The following PRKDC variants were observed in gnomAD, a reference collection of about 807,000 sequenced individuals.
PRKDC encodes protein kinase, DNA-activated, catalytic subunit.
In PRKDC, 82 loss-of-function variants were observed where a neutral mutation model predicts 486.9. The ratio of observed to expected loss-of-function variants is 0.17; its 90% CI spans 0.14 to 0.20. PRKDC has a LOEUF of 0.20. PRKDC is among the 10% of genes least tolerant of loss of function. The pLI, the probability that PRKDC is intolerant of heterozygous loss-of-function variation, is 1.00. For synonymous variants in PRKDC, 1,895 were observed against 1,837.0 expected, an observed-to-expected ratio of 1.03 and a Z score of -0.81; for missense variants, 4,504 against 5,038.2, an observed-to-expected ratio of 0.89 and a Z score of 3.21.
At position 47,934,443 on chromosome 8, in the gene PRKDC, G is replaced by A. The variant is rs932928196; in HGVS notation, c.1498-353C>T. ...CCAGCTACTTGGGAGGCTAAGACAGGAGAATCGCTTGAACCTTGGAGGGGA... is the reference window on the plus strand; with the variant it reads ...CCAGCTACTTGGGAGGCTAAGACAGAAGAATCGCTTGAACCTTGGAGGGGA... On this transcript the variant is annotated intron_variant, in intron 14 of 85. Transcript: ENST00000314191. Among the ~76,000 whole-genome samples the A allele has an allele frequency of 5.3e-5, 8 of 152,186 alleles. No individual in the cohort carries two copies. The East Asian group carries it at 5.8e-4, about 11-fold the overall frequency.
intron 23 of PRKDC, among the ~76,000 whole-genome samples, chr8:47,915,044 A>T (rs1429796400): frequency 6.6e-6 from 1 of 152,210 alleles, no homozygotes; most frequent in East Asian, 1.9e-4. Context: ...ATTAACTTGG[A>T]ATTCCCGACA....
At chr8:47,938,162 T>C (rs1304576356) in intron 11 of PRKDC, among the ~76,000 whole-genome samples, 1 of 151,814 alleles carries the variant, frequency 6.6e-6, no homozygotes, top group Non-Finnish European at 1.5e-5. Context: ...ATCCCAGCAC[T>C]TTGGGAGGCC....
At chr8:47,798,135 C>T (rs1589703070) in intron 73 of PRKDC, 102 bp downstream of exon 73, 2 of 1,217,006 alleles carry the variant, frequency 1.6e-6, no homozygotes, top group East Asian at 2.5e-5. Context: ...CTGGGAAAAG[C>T]TATAATACAT....
At chr8:47,869,562 A>G (rs1398763087) in intron 40 of PRKDC, among the ~76,000 whole-genome samples, 1 of 151,982 alleles carries the variant, frequency 6.6e-6, no homozygotes, top group East Asian at 2.0e-4. Context: ...ACCCAGGGCC[A>G]CGCTGGCTTC....
chr8:47,877,601 T>C, intron 40 of PRKDC, 123 bp downstream of exon 40: 1 of 1,061,394 alleles, frequency 9.4e-7, no homozygotes, highest in Non-Finnish European at 1.3e-6. Flanking sequence ...GACAAAAAAC[T>C]AAAATAAAGT....
At chr8:47,799,123 A>C (rs1039444621) in intron 72 of PRKDC, 87 bp downstream of exon 72, 5 of 1,485,924 alleles carry the variant, frequency 3.4e-6, no homozygotes, top group Non-Finnish European at 4.6e-6. Context: ...TTTGAAAACA[A>C]ACAAAGAGGA....
At chr8:47,801,013 A>C (rs1378153884) in intron 70 of PRKDC, 27 bp from the exon 71 acceptor site, 2 of 1,596,038 alleles carry the variant, frequency 1.3e-6, no homozygotes, top group African/African-American at 2.7e-5. Context: ...ACAAAACAAA[A>C]CAAAATTTTG....
chr8:47,822,387 T>C (rs1037521267), intron 64 of PRKDC, among the ~76,000 whole-genome samples: 1 of 152,082 alleles, frequency 6.6e-6, no homozygotes, highest in Non-Finnish European at 1.5e-5. Flanking sequence ...AGACTTTCAA[T>C]CACAATAACT....
chr8:47,776,536 C>G (rs2086610979), intron 85 of PRKDC, among the ~76,000 whole-genome samples: 1 of 152,172 alleles, frequency 6.6e-6, no homozygotes, highest in Non-Finnish European at 1.5e-5. Context: ...CCTAAGTCTC[C>G]TCATGCATGT....
chr8:47,788,261 C>T (rs958251121), intron 76 of PRKDC, among the ~76,000 whole-genome samples: 1 of 152,160 alleles, frequency 6.6e-6, no homozygotes, highest in South Asian at 2.1e-4. Flanking sequence ...GACGCCAAGC[C>T]CAAGGGCAAG....
At chr8:47,907,442 C>T (rs1306977142) in intron 25 of PRKDC, among the ~76,000 whole-genome samples, 2 of 150,120 alleles carry the variant, frequency 1.3e-5, no homozygotes, top group East Asian at 3.9e-4. Context: ...ACACACAATA[C>T]AGACATACCC....
At chr8:47,807,023 AT>A (rs1388562233) in intron 69 of PRKDC, 113 bp downstream of exon 69, 13 of 1,105,550 alleles carry the variant, frequency 1.2e-5, no homozygotes, top group Non-Finnish European at 1.6e-5. Flanking sequence ...GAGAAAAAAA[AT>A]AACACCTACC....
At position 47,773,338 on chromosome 8, in the gene PRKDC, T is replaced by A. The variant is rs1280739749; in HGVS notation, c.*835A>T. On this transcript the variant is annotated 3_prime_UTR_variant, in exon 86 of 86. Transcript: ENST00000314191. ...TTGTTGTGCTAGAATGCATGCTTTT[T>A]TTCCTCCAAATGAGGAATTCATTTC... 1 of 224,468 alleles carries A rather than the reference T, an allele frequency of 4.5e-6. No homozygotes were observed. The highest frequency in any genetic ancestry group is 9.0e-6 in the Non-Finnish European group (1 of 111,642). The allele number at this position is 224,468 out of a possible 1,614,324, so 13.9% of individuals were successfully genotyped here.
chr8:47,944,484 T>TAAAAAAAAAAAAAAAAAAAAAAAAAAAAA (rs75220935), intron 7 of PRKDC, among the ~76,000 whole-genome samples: 1 of 99,022 alleles, frequency 1.0e-5, no homozygotes, highest in Non-Finnish European at 2.4e-5. Flanking sequence ...AGAAAAAAAT[T>TAAAAAAAAAAAAAAAAAAAAAAAAAAAAA]AAAAAAAAAA....
chr8:47,910,764 G>T (rs1274035852), intron 25 of PRKDC, among the ~76,000 whole-genome samples: 1 of 152,000 alleles, frequency 6.6e-6, no homozygotes, highest in Non-Finnish European at 1.5e-5. Flanking sequence ...TCTACCTCAG[G>T]TACATAAGCT....
intron 7 of PRKDC, among the ~76,000 whole-genome samples, chr8:47,947,035 C>G (rs1184088011): frequency 6.6e-6 from 1 of 152,166 alleles, no homozygotes; most frequent in Non-Finnish European, 1.5e-5. Context: ...AAACACCAAC[C>G]CTGCGTCCTT....
intron 21 of PRKDC, among the ~76,000 whole-genome samples, chr8:47,921,388 T>C (rs1031641960): frequency 5.3e-5 from 8 of 152,214 alleles, no homozygotes; most frequent in African/African-American, 1.7e-4. Context: ...ATCTCTATTA[T>C]CTTTAGGCAA....
At chr8:47,899,069 G>T (rs1435815521) in intron 28 of PRKDC, among the ~76,000 whole-genome samples, 2 of 152,242 alleles carry the variant, frequency 1.3e-5, no homozygotes, top group East Asian at 1.9e-4. Flanking sequence ...TACAACAGAG[G>T]TAAGATGGTG....
At chr8:47,831,626 A>AC (rs1464863100) in intron 60 of PRKDC, among the ~76,000 whole-genome samples, 188 bp downstream of exon 60, 1 of 151,798 alleles carries the variant, frequency 6.6e-6, no homozygotes, top group Non-Finnish European at 1.5e-5. Context: ...GCACTCCTGG[A>AC]CCCCCACCAG....
Sources: allele counts gnomAD v4.1 joint callset (sites outside exome capture counted in the v4.1 genomes callset), GRCh38; gene constraint gnomAD v4.1.1; transcripts MANE v1.5; gene names NCBI Gene and HGNC (gene_info 2026-07-23, HGNC 2026-07-21).